The following PLLP variants were observed in gnomAD, a reference collection of about 807,000 sequenced individuals.
PLLP encodes the protein plasma membrane proteolipid (plasmolipin).
In PLLP, 15 loss-of-function variants were observed where a neutral mutation model predicts 19.7. The observed-to-expected ratio is 0.76, with a 90% CI of 0.51 to 1.17. PLLP has a LOEUF of 1.17. Ranked by LOEUF, PLLP falls within the 50% of genes most tolerant of loss-of-function variation. PLLP has a pLI of 0.00. For synonymous variants in PLLP, 111 were observed against 116.3 expected (o/e 0.95, Z 0.29); for missense variants, 255 against 258.3 (o/e 0.99, Z 0.09).
chr16:57,267,828 T>C (rs1276052222), intron 1 of PLLP, among the ~76,000 whole-genome samples: 16 of 142,836 alleles, frequency 1.1e-4, no homozygotes, highest in Non-Finnish European at 1.8e-4. Flanking sequence ...TGAGCCGAGA[T>C]CGCACCACTG....
chr16:57,265,134 AGGCCAG>A (rs1288655919), intron 1 of PLLP, among the ~76,000 whole-genome samples: 1 of 152,242 alleles, frequency 6.6e-6, no homozygotes, highest in African/African-American at 2.4e-5. Context: ...CGCCGCAAGC[AGGCCAG>A]GTGAGGGTAG....
rs1387370804 is a variant in PLLP, at chr16:57,284,654, A to G, written c.-114T>C. On this transcript the variant is annotated 5_prime_UTR_variant, in exon 1 of 4. Transcript: ENST00000219207. ...AGGCTCCGGATCCCTGTGTGGCTCC[A>G]GGCGCTGCAGGAGGCGTCGGGGCTG... is the stretch of plus-strand genomic sequence containing the variant. The G allele has an allele frequency of 1.9e-6, 2 of 1,064,808 alleles. No homozygotes were observed. Among genetic ancestry groups the G allele is most frequent in the African/African-American group, 1.6e-5 (1 of 61,142 alleles). 66.0% of individuals were successfully genotyped at this position (1,064,808 alleles called of 1,614,324 possible). A position where few individuals can be genotyped will look rare whatever the true frequency, so the allele number is the denominator to read the frequency against.
intron 1 of PLLP, among the ~76,000 whole-genome samples, chr16:57,273,560 A>C (rs1174352207): frequency 6.6e-6 from 1 of 152,210 alleles, no homozygotes; most frequent in African/African-American, 2.4e-5. Flanking sequence ...CTTTTGTCAC[A>C]ATCAGGGCTC....
chr16:57,278,581 A>G lies in PLLP; in HGVS notation c.135+5825T>C, dbSNP rs968842320. ...TTACACATTAATTCCCAAACACTCA[A>G]TACTCCCCCCCTTGCAGTAAGTGGG... On this transcript the variant is annotated intron_variant, in intron 1 of 3. Coordinates refer to ENST00000219207, the MANE Select transcript of PLLP (RefSeq NM_015993.3). 1.6e-4 allele frequency among the ~76,000 whole-genome samples: 25 copies of G among 152,238 alleles called. 1 individual carries two copies. The highest frequency in any genetic ancestry group is 3.4e-3 in the Middle Eastern group (1 of 294).
Position 57,262,035 on chromosome 16 carries a change from G to T in PLLP, c.171C>A (p.Asp57Glu). ...AGGCCGGATACAGGTGGTACGGGGTGTCCGCAATCAGCGCCCACACCAGCA... is the reference window on the plus strand; with the variant it reads ...AGGCCGGATACAGGTGGTACGGGGTTTCCGCAATCAGCGCCCACACCAGCA... Reference protein sequence around the residue: ...LGLLVWALIADTPYHLYPAYG... With the variant: ...LGLLVWALIAETPYHLYPAYG... Residue 57 changes from aspartate to glutamate, a missense_variant, in exon 2 of 4, where the codon GAC becomes GAA. Transcript: ENST00000219207. The T allele has an allele frequency of 6.2e-7, 1 of 1,614,216 alleles. No homozygotes were observed.
intron 1 of PLLP, among the ~76,000 whole-genome samples, chr16:57,283,023 C>T (rs1901237950): frequency 6.6e-6 from 1 of 152,116 alleles, no homozygotes; most frequent in South Asian, 2.1e-4. Context: ...GTCAGTGGCT[C>T]TCCCCATCTG....
rs1404490095 is a variant in PLLP, at chr16:57,256,915, A to C, written c.547T>G (p.Ter183GluextTer25). 5 of 1,605,656 alleles carry C rather than the reference A, an allele frequency of 3.1e-6. No homozygotes were observed. The highest frequency in any genetic ancestry group is 3.4e-6 in the Non-Finnish European group (4 of 1,173,256). Residue 183 changes from the stop codon to glutamate, a stop_lost, in exon 4 of 4, where the codon TAA becomes GAA. Transcript: ENST00000219207. ...GAGGGGGCCGTGGCACAGGTGGTTT[A>C]GGCATAGCCGCCAGCCATCTGACTG... ...ATSQMAGGYA[*>E]
chr16:57,280,065 T>C (rs1901200275), intron 1 of PLLP, among the ~76,000 whole-genome samples: 1 of 152,182 alleles, frequency 6.6e-6, no homozygotes, highest in African/African-American at 2.4e-5. Context: ...CCTTCTCCCT[T>C]CCTATGCCAG....
At chr16:57,277,392 C>G (rs1223104658) in intron 1 of PLLP, among the ~76,000 whole-genome samples, 1 of 152,202 alleles carries the variant, frequency 6.6e-6, no homozygotes. Flanking sequence ...GAGTTTGAGA[C>G]CAGCCTGATC....
intron 1 of PLLP, among the ~76,000 whole-genome samples, chr16:57,269,200 C>CTCCTGAACATGGGCCTCCT (rs2075466793): frequency 6.6e-6 from 1 of 152,220 alleles, no homozygotes; most frequent in Non-Finnish European, 1.5e-5. Context: ...GAGGTCAACA[C>CTCCTGAACATGGGCCTCCT]TCCTGAACAT....
intron 1 of PLLP, among the ~76,000 whole-genome samples, chr16:57,278,660 T>C (rs1257180692): frequency 6.6e-6 from 1 of 152,132 alleles, no homozygotes; most frequent in African/African-American, 2.4e-5. Flanking sequence ...GCAGTGGAGC[T>C]GGGTTGGATG....
At chr16:57,271,666 A>G (rs2075476294) in intron 1 of PLLP, among the ~76,000 whole-genome samples, 1 of 151,990 alleles carries the variant, frequency 6.6e-6, no homozygotes, top group East Asian at 1.9e-4. Flanking sequence ...AAAGAAAAAA[A>G]AAAGAAAAGT....
At chr16:57,270,923 T>C (rs2075472963) in intron 1 of PLLP, among the ~76,000 whole-genome samples, 1 of 151,976 alleles carries the variant, frequency 6.6e-6, no homozygotes, top group Non-Finnish European at 1.5e-5. Flanking sequence ...ATTCAGTCAT[T>C]AAACAAACTG....
chr16:57,258,306 C>T (rs940334285), intron 3 of PLLP, among the ~76,000 whole-genome samples, 156 bp downstream of exon 3: 2 of 152,184 alleles, frequency 1.3e-5, no homozygotes, highest in African/African-American at 2.4e-5. Context: ...ATTATGGAAG[C>T]CTGGAGGCGG....
intron 1 of PLLP, among the ~76,000 whole-genome samples, chr16:57,271,659 GA>G (rs1327790923): frequency 2.0e-5 from 3 of 146,416 alleles, no homozygotes; most frequent in South Asian, 4.3e-4. Flanking sequence ...AATAAAAAAA[GA>G]AAAAAAAAAG....
chr16:57,281,580 G>T (rs538272287), intron 1 of PLLP, among the ~76,000 whole-genome samples: 1 of 141,808 alleles, frequency 7.1e-6, no homozygotes, highest in Non-Finnish European at 1.5e-5. Context: ...GCGCCATCTC[G>T]GCTCACTGCA....
chr16:57,278,393 A>G, intron 1 of PLLP, among the ~76,000 whole-genome samples: 1 of 152,198 alleles, frequency 6.6e-6, no homozygotes, highest in East Asian at 1.9e-4. Flanking sequence ...ATACAGAATA[A>G]AACTATCAAT....
At chr16:57,266,677 A>T (rs188432301) in intron 1 of PLLP, among the ~76,000 whole-genome samples, 81 of 152,062 alleles carry the variant, frequency 5.3e-4, no homozygotes, top group Admixed American at 9.2e-4. Flanking sequence ...TCTTGCTTAC[A>T]TGTTCGTCTG....
At chr16:57,282,420 C>CT (rs150292999) in intron 1 of PLLP, among the ~76,000 whole-genome samples, 2,838 of 150,540 alleles carry the variant, frequency 0.019, 78 homozygotes, top group African/African-American at 0.064. Flanking sequence ...TTTTTTTTTC[C>CT]TTTTTTTTGT....
Sources: allele counts gnomAD v4.1 joint callset (sites outside exome capture counted in the v4.1 genomes callset), GRCh38; gene constraint gnomAD v4.1.1; transcripts MANE v1.5; gene names NCBI Gene and HGNC (gene_info 2026-07-23, HGNC 2026-07-21).